The following ART3 variants were observed in gnomAD, a reference collection of about 807,000 sequenced individuals.
The protein encoded by ART3 is ADP-ribosyltransferase 3 (inactive).
Under a neutral mutation model 48.5 loss-of-function variants are expected in ART3, and 49 were observed. That is an observed-to-expected ratio of 1.01 (90% CI 0.80 to 1.28). The LOEUF is 1.28. Among genes scored for constraint, ART3 ranks in the 50% most tolerant of loss-of-function variants. ART3 has a pLI of 0.00. For missense variants in ART3, 438 were observed against 454.3 expected (o/e 0.96, Z 0.33); for synonymous variants, 145 against 157.2 (o/e 0.92, Z 0.58).
intron 1 of ART3, among the ~76,000 whole-genome samples, chr4:76,065,931 G>A (rs1719694995): frequency 6.6e-6 from 1 of 152,124 alleles, no homozygotes; most frequent in Admixed American, 6.6e-5. Flanking sequence ...CTGAAGGAAG[G>A]AAAAGGTTGA....
chr4:76,069,386 CT>C (rs34858048), intron 1 of ART3, among the ~76,000 whole-genome samples: 19,351 of 108,866 alleles, frequency 0.18, 713 homozygotes, highest in East Asian at 0.33. Flanking sequence ...TACTTAATTC[CT>C]TTTTTTTTTT....
chr4:76,082,618 T>C, intron 3 of ART3, 83 bp downstream of exon 3: 2 of 1,153,628 alleles, frequency 1.7e-6, no homozygotes, highest in Non-Finnish European at 2.4e-6. Context: ...GAAAGGAGAG[T>C]GAGAGGTGTT....
intron 10 of ART3, chr4:76,106,351 T>C: frequency 1.0e-6 from 1 of 985,370 alleles, no homozygotes; most frequent in Non-Finnish European, 1.2e-6. Context: ...CAAGTTACAA[T>C]GGTCAGTCTG....
At chr4:76,055,254 G>C (rs973046000) in intron 1 of ART3, among the ~76,000 whole-genome samples, 14 of 152,298 alleles carry the variant, frequency 9.2e-5, no homozygotes, top group African/African-American at 3.1e-4. Context: ...CCTTGTATTT[G>C]TGCAGTTGGT....
chr4:76,066,067 G>A (rs545967252), intron 1 of ART3, among the ~76,000 whole-genome samples: 3 of 152,310 alleles, frequency 2.0e-5, no homozygotes, highest in African/African-American at 7.2e-5. Flanking sequence ...AGAGAATTCA[G>A]ACTCCTGTGG....
chr4:76,052,196 T>C (rs967567353), intron 1 of ART3, among the ~76,000 whole-genome samples: 13 of 152,182 alleles, frequency 8.5e-5, no homozygotes, highest in African/African-American at 3.1e-4. Context: ...GCCTGGTCAA[T>C]ATGCTTTATC....
At chr4:76,016,334 C>T (rs1560573775) in intron 1 of ART3, among the ~76,000 whole-genome samples, 1 of 152,164 alleles carries the variant, frequency 6.6e-6, no homozygotes, top group African/African-American at 2.4e-5. Context: ...AAAGAGATAC[C>T]GCCTTGGTCT....
intron 8 of ART3, among the ~76,000 whole-genome samples, chr4:76,101,275 C>T (rs1027851981): frequency 1.3e-5 from 2 of 152,170 alleles, no homozygotes; most frequent in African/African-American, 4.8e-5. Flanking sequence ...ACTAATTATT[C>T]CCCACATTCT....
At chr4:76,016,464 G>T (rs1206446507) in intron 1 of ART3, among the ~76,000 whole-genome samples, 1 of 152,100 alleles carries the variant, frequency 6.6e-6, no homozygotes, top group Non-Finnish European at 1.5e-5. Flanking sequence ...TTGGGGGTGG[G>T]GTGACACCAA....
chr4:76,044,000 C>T (rs60689712), intron 1 of ART3, among the ~76,000 whole-genome samples: 92,915 of 151,038 alleles, frequency 0.62, 29,895 homozygotes, highest in East Asian at 0.94. Flanking sequence ...GAAGTGCCAG[C>T]GGGTTGGTCC....
chr4:76,021,678 G>A (rs1732830164), intron 1 of ART3: 2 of 473,456 alleles, frequency 4.2e-6, no homozygotes, highest in Admixed American at 3.7e-5. Flanking sequence ...TAAGAACATA[G>A]CACCTCAGTA....
At chr4:76,018,778 A>G (rs1272019564) in intron 1 of ART3, among the ~76,000 whole-genome samples, 1 of 152,166 alleles carries the variant, frequency 6.6e-6, no homozygotes, top group Non-Finnish European at 1.5e-5. Context: ...CTATAACCCC[A>G]GCATTTTGGG....
intron 1 of ART3, among the ~76,000 whole-genome samples, chr4:76,064,737 A>G (rs7679394): frequency 0.59 from 89,092 of 152,014 alleles, 26,969 homozygotes; most frequent in East Asian, 0.94. Context: ...ATGAGTACCA[A>G]AAAGAGAATA....
chr4:76,058,274 T>C (rs568080785), intron 1 of ART3, among the ~76,000 whole-genome samples: 31 of 152,288 alleles, frequency 2.0e-4, no homozygotes, highest in Admixed American at 1.8e-3. Context: ...ACAATGACTT[T>C]GTTTGTAGTC....
intron 1 of ART3, among the ~76,000 whole-genome samples, chr4:76,039,807 G>T (rs1734774487): frequency 6.6e-6 from 1 of 152,080 alleles, no homozygotes; most frequent in Admixed American, 6.5e-5. Context: ...ATAGAAAATA[G>T]ACATAATTCA....
chr4:76,103,868 G>A (rs1727874268), intron 8 of ART3, 69 bp from the exon 9 acceptor site: 3 of 1,191,278 alleles, frequency 2.5e-6, no homozygotes, highest in African/African-American at 3.2e-5. Context: ...AGGAAATATA[G>A]ACAAAAGAAG....
intron 3 of ART3, 70 bp from the exon 4 acceptor site, chr4:76,097,574 C>G: frequency 7.6e-7 from 1 of 1,308,376 alleles, no homozygotes; most frequent in Non-Finnish European, 1.1e-6. Flanking sequence ...TACCAACAGC[C>G]ATAGATTAAT....
At chr4:76,068,298 C>G (rs1464756666) in intron 1 of ART3, among the ~76,000 whole-genome samples, 1 of 152,138 alleles carries the variant, frequency 6.6e-6, no homozygotes, top group African/African-American at 2.4e-5. Flanking sequence ...AAAATGTGTT[C>G]CCTCATGCCC....
chr4:76,086,869 G>A (rs923988729), intron 3 of ART3, among the ~76,000 whole-genome samples: 2 of 152,154 alleles, frequency 1.3e-5, no homozygotes, highest in African/African-American at 4.8e-5. Context: ...CCCCCTATGT[G>A]ACAGTAGCCT....
Sources: gnomAD v4.1 joint callset for allele counts (sites outside exome capture counted in the v4.1 genomes callset) on GRCh38, gnomAD v4.1.1 for gene constraint, MANE v1.5 for transcripts, NCBI Gene and HGNC (gene_info 2026-07-23, HGNC 2026-07-21) for gene names.